Variants in TMEM178B observed in about 807,000 individuals in gnomAD.
TMEM178B encodes transmembrane protein 178B.
Under a neutral mutation model 31.0 loss-of-function variants are expected in TMEM178B, and 5 were observed. The ratio of observed to expected loss-of-function variants is 0.16; its 90% confidence interval spans 0.08 to 0.34. The LOEUF is 0.34. Among genes scored for constraint, TMEM178B ranks in the 10% least tolerant of loss-of-function variants. TMEM178B has a pLI of 1.00. For synonymous variants in TMEM178B, 164 were observed against 164.0 expected (o/e 1.00, Z 0.00); for missense variants, 275 against 400.3 (o/e 0.69, Z 2.67).
intron 2 of TMEM178B, among the ~76,000 whole-genome samples, chr7:141,312,809 A>C (rs371947033): frequency 6.6e-6 from 1 of 152,236 alleles, no homozygotes; most frequent in Non-Finnish European, 1.5e-5. Flanking sequence ...GAAGCCTTTC[A>C]AAGAGTAAAT....
intron 2 of TMEM178B, among the ~76,000 whole-genome samples, chr7:141,428,388 A>G (rs900393361): frequency 4.9e-5 from 5 of 102,786 alleles, no homozygotes; most frequent in East Asian, 5.2e-4. Context: ...AAAAAAAGAA[A>G]AAAAGAAAAG....
intron 3 of TMEM178B, among the ~76,000 whole-genome samples, chr7:141,454,595 CTCCTCTCCT>C (rs1296199294): frequency 1.5e-5 from 2 of 137,208 alleles, no homozygotes; most frequent in East Asian, 4.0e-4. Flanking sequence ...TCTCCTCTCT[CTCCTCTCCT>C]TCCTCTCCTT....
intron 1 of TMEM178B, among the ~76,000 whole-genome samples, chr7:141,125,662 A>G (rs1424783517): frequency 1.3e-5 from 2 of 149,350 alleles, no homozygotes; most frequent in African/African-American, 4.9e-5. Context: ...CCTGGGTGAC[A>G]GAGTGAGACT....
At chr7:141,322,877 T>A (rs550361881) in intron 2 of TMEM178B, among the ~76,000 whole-genome samples, 1 of 152,304 alleles carries the variant, frequency 6.6e-6, no homozygotes, top group South Asian at 2.1e-4. Flanking sequence ...CCCCATTGTA[T>A]TTTGAGGTTG....
intron 2 of TMEM178B, among the ~76,000 whole-genome samples, chr7:141,425,043 A>T (rs1369079416): frequency 6.6e-6 from 1 of 152,176 alleles, no homozygotes; most frequent in Non-Finnish European, 1.5e-5. Flanking sequence ...TCAATTTCCA[A>T]ACCTACAAAA....
chr7:141,419,880 T>G (rs897615852), intron 2 of TMEM178B, among the ~76,000 whole-genome samples: 7 of 152,206 alleles, frequency 4.6e-5, no homozygotes, highest in African/African-American at 1.7e-4. Context: ...GTCAGCATGT[T>G]ATAATAATTA....
intron 3 of TMEM178B, 51 bp downstream of exon 3, chr7:141,437,796 C>G: frequency 6.5e-7 from 1 of 1,533,544 alleles, no homozygotes; most frequent in Non-Finnish European, 8.7e-7. Context: ...GTCCTGTTTA[C>G]CACAATTTGG....
chr7:141,139,312 G>A (rs1322431380), intron 1 of TMEM178B, among the ~76,000 whole-genome samples: 2 of 152,092 alleles, frequency 1.3e-5, no homozygotes, highest in Non-Finnish European at 2.9e-5. Flanking sequence ...ATGTGTTTAC[G>A]AGACTTACAA....
intron 2 of TMEM178B, among the ~76,000 whole-genome samples, chr7:141,220,095 G>C (rs1797230355): frequency 6.6e-6 from 1 of 152,060 alleles, no homozygotes; most frequent in Non-Finnish European, 1.5e-5. Flanking sequence ...CGAGACAGCT[G>C]GATCACTTGA....
At chr7:141,506,003 A>T in the TMEM178B span, among the ~76,000 whole-genome samples, 4 of 152,238 alleles carry the variant, frequency 2.6e-5, no homozygotes, top group African/African-American at 9.6e-5. Flanking sequence ...GACAGAGGTT[A>T]TGGGCCAGGT....
intron 2 of TMEM178B, among the ~76,000 whole-genome samples, chr7:141,306,072 A>G (rs1319088629): frequency 6.6e-6 from 1 of 152,222 alleles, no homozygotes; most frequent in African/African-American, 2.4e-5. Flanking sequence ...TATACATAGT[A>G]GATGCTAGAT....
At chr7:141,092,429 T>C (rs1794896374) in intron 1 of TMEM178B, among the ~76,000 whole-genome samples, 1 of 152,220 alleles carries the variant, frequency 6.6e-6, no homozygotes, top group Non-Finnish European at 1.5e-5. Flanking sequence ...AAAATGTACT[T>C]ATGTACAGGT....
chr7:141,468,908 G>C (rs970817442), intron 3 of TMEM178B, among the ~76,000 whole-genome samples: 1 of 152,168 alleles, frequency 6.6e-6, no homozygotes, highest in Non-Finnish European at 1.5e-5. Context: ...GGTTGAACCG[G>C]GTGTGACATT....
intron 3 of TMEM178B, among the ~76,000 whole-genome samples, chr7:141,463,766 C>G (rs995299413): frequency 2.0e-5 from 3 of 152,206 alleles, no homozygotes; most frequent in Non-Finnish European, 2.9e-5. Context: ...TGGCTTGAGA[C>G]AGAATGCTCT....
intron 2 of TMEM178B, among the ~76,000 whole-genome samples, chr7:141,386,407 C>T (rs1392313226): frequency 6.6e-6 from 1 of 152,198 alleles, no homozygotes; most frequent in African/African-American, 2.4e-5. Flanking sequence ...AAATGAAGTG[C>T]TACTTTTGCT....
the TMEM178B span, among the ~76,000 whole-genome samples, chr7:141,491,402 T>G: frequency 6.6e-6 from 1 of 152,208 alleles, no homozygotes; most frequent in Non-Finnish European, 1.5e-5. Context: ...TCAAAATCCT[T>G]AAACATCTTT....
chr7:141,243,222 G>A (rs543999070), intron 2 of TMEM178B, among the ~76,000 whole-genome samples: 5 of 152,194 alleles, frequency 3.3e-5, no homozygotes, highest in South Asian at 2.1e-4. Flanking sequence ...GAGTCCATGC[G>A]AGGTCAGCCT....
At chr7:141,141,582 T>A (rs1239636912) in intron 1 of TMEM178B, among the ~76,000 whole-genome samples, 1 of 152,214 alleles carries the variant, frequency 6.6e-6, no homozygotes, top group East Asian at 1.9e-4. Context: ...TATTGTCAGC[T>A]CCATGAGTTC....
chr7:141,345,783 A>G (rs1799608793), intron 2 of TMEM178B, among the ~76,000 whole-genome samples: 1 of 152,242 alleles, frequency 6.6e-6, no homozygotes, highest in Non-Finnish European at 1.5e-5. Flanking sequence ...TATACTAACT[A>G]CCATTTTTAA....
Sources: allele counts gnomAD v4.1 joint callset (sites outside exome capture counted in the v4.1 genomes callset), GRCh38; gene constraint gnomAD v4.1.1; transcripts MANE v1.5; gene names NCBI Gene and HGNC (gene_info 2026-07-23, HGNC 2026-07-21).